The following LPCAT4 variants were observed in gnomAD, a reference collection of about 807,000 sequenced individuals.
LPCAT4 encodes lysophospholipid acyltransferase LPCAT4.
Under a neutral mutation model 66.5 loss-of-function variants are expected in LPCAT4, and 30 were observed. The ratio of observed to expected loss-of-function variants is 0.45; its 90% confidence interval spans 0.34 to 0.61. LPCAT4 has a LOEUF of 0.61. Among genes scored for constraint, LPCAT4 ranks in the 20% least tolerant of loss-of-function variants. The pLI, the probability that LPCAT4 is intolerant of heterozygous loss-of-function variation, is 0.01. For synonymous variants in LPCAT4, 253 were observed against 262.1 expected (o/e 0.97, Z 0.34); for missense variants, 557 against 656.7 (o/e 0.85, Z 1.66).
At position 34,359,262 on chromosome 15, in the gene LPCAT4, C is replaced by T. The variant is rs1240384068; in HGVS notation, c.1440G>A (p.Gly480=). 6.4e-7 allele frequency: 1 copy of T among 1,554,996 alleles called. No individual in the cohort carries two copies. Among genetic ancestry groups the T allele is most frequent in the Non-Finnish European group, 8.7e-7 (1 of 1,149,124 alleles). ...GGCGCAGGTAGGTGCTGAAGAGTTT[C>T]CCATAGAGTGGGTCATGGAGGGAGA... The part of the protein sequence containing the change: ...QNFSLHDPLY[G]KLFSTYLRPP... The change falls in exon 14 of 14, where the codon GGG becomes GGA. Residue 480 remains glycine (G), a synonymous_variant. Coordinates refer to ENST00000314891, the MANE Select transcript of LPCAT4 (RefSeq NM_153613.3).
At position 34,362,749 on chromosome 15, in the gene LPCAT4, G is replaced by A. The variant is rs745779870; in HGVS notation, c.801+33C>T. 5.0e-6 allele frequency: 8 copies of A among 1,613,264 alleles called. No individual in the cohort carries two copies. In the South Asian group the frequency reaches 8.8e-5, roughly 18 times the overall value. Reference sequence around the variant, plus strand: ...TCCCAAGGTTTCAGGAGTCTGAGATGTACTTCTCCCACCGCCCCCACGGGA... The same window carrying A: ...TCCCAAGGTTTCAGGAGTCTGAGATATACTTCTCCCACCGCCCCCACGGGA... On this transcript the variant is annotated intron_variant, in intron 8 of 13. Coordinates refer to ENST00000314891, the MANE Select transcript of LPCAT4 (RefSeq NM_153613.3).
chr15:34,361,766 C>G lies in LPCAT4; in HGVS notation c.1011-234G>C, dbSNP rs185043978. Among the ~76,000 whole-genome samples the G allele has an allele frequency of 5.8e-3, 876 of 152,290 alleles. 4 individuals carry two copies. The highest frequency in any genetic ancestry group is 0.014 in the Middle Eastern group (4 of 294). The stretch of plus-strand genomic sequence containing the variant: ...CCAGGCTGGAGTGCAGTGGCACGAC[C>G]TTGGCTCACTGCAACCTCCACCTCC... On this transcript the variant is annotated intron_variant, in intron 10 of 13. Transcript: ENST00000314891.
intron 9 of LPCAT4, 61 bp from the exon 10 acceptor site, chr15:34,362,382 G>A: frequency 6.2e-7 from 1 of 1,603,740 alleles, no homozygotes; most frequent in South Asian, 1.1e-5. Flanking sequence ...CTGAGGGTTG[G>A]TTCCTGACCC....
At position 34,365,225 on chromosome 15, in the gene LPCAT4, A is replaced by G. The variant is rs777828930; in HGVS notation, c.261T>C (p.Thr87=). Residue 87 remains threonine (T), a synonymous_variant, in exon 3 of 14, where the codon ACT becomes ACC. Transcript: ENST00000314891. ...LQEPITGWRK[T]VCHNGVLGLS... is the part of the protein sequence containing the mutation. ...GGCCTAGCACCCCGTTGTGGCACAC[A>G]GTCCTGCCAGGGCAAGGCTGGGTAT... The G allele has an allele frequency of 5.0e-5, 80 of 1,602,702 alleles. No homozygotes were observed. Among genetic ancestry groups the G allele is most frequent in the Non-Finnish European group, 6.3e-5 (74 of 1,175,188 alleles).
At chr15:34,361,283 G>T in intron 11 of LPCAT4, 117 bp downstream of exon 11, 1 of 1,525,822 alleles carries the variant, frequency 6.6e-7, no homozygotes. Context: ...TCTAACAACA[G>T]CTGTGAGAAC....
intron 10 of LPCAT4, 41 bp from the exon 11 acceptor site, chr15:34,361,573 C>T (rs1247841369): frequency 6.2e-7 from 1 of 1,608,618 alleles, no homozygotes; most frequent in Non-Finnish European, 8.5e-7. Flanking sequence ...GTCTCAGTTT[C>T]CTTCTGGACA....
chr15:34,366,937 C>T (rs1282128763), intron 1 of LPCAT4, 50 bp downstream of exon 1: 1 of 1,531,142 alleles, frequency 6.5e-7, no homozygotes, highest in East Asian at 2.5e-5. Context: ...CAAATGGCCC[C>T]ATTTTCCTAT....
At position 34,363,855 on chromosome 15, in the gene LPCAT4, T is replaced by G; in HGVS notation, c.653-136A>C. On this transcript the variant is annotated intron_variant, in intron 5 of 13. Coordinates refer to ENST00000314891, the MANE Select transcript of LPCAT4 (RefSeq NM_153613.3). The surrounding 1 kb of genome is among the most constrained non-coding windows in gnomAD (Gnocchi z 4.3). Reference sequence around the variant, plus strand: ...TGTTCCACTCATTGATAATTTTCTCTCTGACTCCTCGACTTGACAGCATTA... The same window carrying G: ...TGTTCCACTCATTGATAATTTTCTCGCTGACTCCTCGACTTGACAGCATTA... The G allele has an allele frequency of 7.6e-7, 1 of 1,318,152 alleles. No individual in the cohort carries two copies. Among genetic ancestry groups the G allele is most frequent in the Non-Finnish European group, 1.1e-6 (1 of 921,210 alleles). 81.7% of individuals were successfully genotyped at this position (1,318,152 alleles called of 1,614,324 possible).
chr15:34,367,114 G>T lies in LPCAT4; in HGVS notation c.-14C>A. 1 of 1,531,260 alleles carries T rather than the reference G, an allele frequency of 6.5e-7. No individual in the cohort carries two copies. Among genetic ancestry groups the T allele is most frequent in the East Asian group, 2.5e-5 (1 of 40,276 alleles). The allele number at this position is 1,531,260 out of a possible 1,614,324, so 94.9% of individuals were successfully genotyped here. On this transcript the variant is annotated 5_prime_UTR_variant, in exon 1 of 14. Coordinates refer to ENST00000314891, the MANE Select transcript of LPCAT4 (RefSeq NM_153613.3). ...TCCCTGGCTCATGGCGGGAGAAGGT[G>T]GGAGGGAGGGCACCCCGGCCCTGGC...
At chr15:34,362,498 C>T in intron 9 of LPCAT4, 75 bp downstream of exon 9, 1 of 1,456,592 alleles carries the variant, frequency 6.9e-7, no homozygotes, top group Non-Finnish European at 9.3e-7. Flanking sequence ...TGCCTGAAAA[C>T]CTCGCCCCCT....
chr15:34,365,366 A>C, intron 2 of LPCAT4, 138 bp from the exon 3 acceptor site: 1 of 1,166,882 alleles, frequency 8.6e-7, no homozygotes, highest in African/African-American at 1.5e-5. Context: ...GTCTCTGGCC[A>C]CTTTGGGACC....
intron 9 of LPCAT4, 64 bp from the exon 10 acceptor site, chr15:34,362,385 C>T: frequency 6.3e-7 from 1 of 1,599,796 alleles, no homozygotes; most frequent in East Asian, 2.2e-5. Flanking sequence ...AGGGTTGGTT[C>T]CTGACCCTGG....
rs770245891 is a variant in LPCAT4, at chr15:34,365,711, G to A, written c.115-10C>T. 1 of 1,613,224 alleles carries A rather than the reference G, an allele frequency of 6.2e-7. No individual in the cohort carries two copies. Among genetic ancestry groups the A allele is most frequent in the Non-Finnish European group, 8.5e-7 (1 of 1,179,814 alleles). On this transcript the variant is annotated splice_polypyrimidine_tract_variant and intron_variant, in intron 1 of 13. Transcript: ENST00000314891. Reference sequence around the variant, plus strand: ...CCCCCAGGAGGCAGAACTGCAAAGGGTGGGAGAGAATGCCACTTTAGAGCT... The same window carrying A: ...CCCCCAGGAGGCAGAACTGCAAAGGATGGGAGAGAATGCCACTTTAGAGCT...
At chr15:34,364,411 CTT>C (rs60508631) in intron 3 of LPCAT4, 105 bp from the exon 4 acceptor site, 55,372 of 549,312 alleles carry the variant, frequency 0.1, 971 homozygotes, top group East Asian at 0.23. Context: ...TCTGTTATCT[CTT>C]TTTTTTTTTT....
chr15:34,363,706 T>G lies in LPCAT4; in HGVS notation c.666A>C (p.Ala222=). 6.2e-7 allele frequency: 1 copy of G among 1,614,084 alleles called. No individual in the cohort carries two copies. Among genetic ancestry groups the G allele is most frequent in the Non-Finnish European group, 8.5e-7 (1 of 1,180,026 alleles). ...LLKFKPGAFI[A]GVPVQPVLIR... ...TGAGGACAGGCTGCACAGGCACCCCTGCGATGAAGGCTCCTAAATCCCATT... is the reference window on the plus strand; with the variant it reads ...TGAGGACAGGCTGCACAGGCACCCCGGCGATGAAGGCTCCTAAATCCCATT... The change falls in exon 6 of 14, where the codon GCA becomes GCC. Residue 222 remains alanine (A), a synonymous_variant. Transcript: ENST00000314891. The surrounding 1 kb of genome is among the most constrained non-coding windows in gnomAD (Gnocchi z 4.3).
chr15:34,363,817 T>C lies in LPCAT4; in HGVS notation c.653-98A>G. ...ATGGCAGTCTGGGACAGTTCTCAAA[T>C]GAGATATGGTTTTGTTCCACTCATT... is the stretch of plus-strand genomic sequence containing the variant. On this transcript the variant is annotated intron_variant, in intron 5 of 13. Coordinates refer to ENST00000314891, the MANE Select transcript of LPCAT4 (RefSeq NM_153613.3). This position sits in a 1 kb window ranked among gnomAD's most constrained non-coding sequence, Gnocchi z 4.3. 6.9e-7 allele frequency: 1 copy of C among 1,447,404 alleles called. No individual in the cohort carries two copies. Among genetic ancestry groups the C allele is most frequent in the Non-Finnish European group, 9.7e-7 (1 of 1,031,214 alleles). The allele number at this position is 1,447,404 out of a possible 1,614,324, so 89.7% of individuals were successfully genotyped here. A position where few individuals can be genotyped will look rare whatever the true frequency, so the allele number is the denominator to read the frequency against.
intron 3 of LPCAT4, chr15:34,364,552 T>G: frequency 2.8e-6 from 1 of 352,138 alleles, no homozygotes; most frequent in Non-Finnish European, 5.1e-6. Flanking sequence ...GCCTCCCGAG[T>G]AGCTGGGATT....
At position 34,363,658 on chromosome 15, in the gene LPCAT4, C is replaced by T. The variant is rs1891002009; in HGVS notation, c.711+3G>A. The T allele has an allele frequency of 1.2e-6, 2 of 1,614,008 alleles. No homozygotes were observed. Among genetic ancestry groups the T allele is most frequent in the African/African-American group, 2.7e-5 (2 of 74,896 alleles). ...TTCCACTCTTTCTTGGACTAAGACT[C>T]ACCAGACTGTTGGGGTAGCGGATGA... On this transcript the variant is annotated splice_donor_region_variant and intron_variant, in intron 6 of 13. Coordinates refer to ENST00000314891, the MANE Select transcript of LPCAT4 (RefSeq NM_153613.3). This position sits in a 1 kb window ranked among gnomAD's most constrained non-coding sequence, Gnocchi z 4.3.
chr15:34,362,920 A>C, intron 7 of LPCAT4, 84 bp from the exon 8 acceptor site: 7 of 1,359,614 alleles, frequency 5.1e-6, no homozygotes, highest in Non-Finnish European at 7.3e-6. Context: ...CCCTTCCCCA[A>C]CCCAGGTGGG....
Sources: allele counts gnomAD v4.1 joint callset (sites outside exome capture counted in the v4.1 genomes callset), GRCh38; gene constraint gnomAD v4.1.1; non-coding constraint Gnocchi (gnomAD v3.1); transcripts MANE v1.5; gene names NCBI Gene and HGNC (gene_info 2026-07-23, HGNC 2026-07-21).